The following AFF1 variants were observed in gnomAD, a reference collection of about 807,000 sequenced individuals.
The protein encoded by AFF1 is ALF transcription elongation factor 1, also known as AF4/FMR2 family member 1.
Under a neutral mutation model 121.7 loss-of-function variants are expected in AFF1, and 48 were observed. That is an observed-to-expected ratio of 0.39 (90% CI 0.31 to 0.50). The LOEUF (loss-of-function observed/expected upper bound fraction) is 0.50. AFF1 is among the 20% of genes least tolerant of loss of function. AFF1 has a pLI of 0.76. For missense variants in AFF1, 1,523 were observed against 1,511.7 expected (o/e 1.01, Z -0.12); for synonymous variants, 613 against 563.0 (o/e 1.09, Z -1.26).
intron 2 of AFF1, among the ~76,000 whole-genome samples, chr4:86,980,947 A>AACC (rs1723691095): frequency 1.2e-4 from 12 of 102,394 alleles, no homozygotes; most frequent in East Asian, 3.3e-4. Context: ...GGCTTGAGGC[A>AACC]CCCCCCCCCT....
At chr4:87,124,242 C>A (rs1362531383) in intron 12 of AFF1, among the ~76,000 whole-genome samples, 1 of 151,742 alleles carries the variant, frequency 6.6e-6, no homozygotes, top group East Asian at 1.9e-4. Context: ...TTTTTTTAAC[C>A]CTACTTTCAA....
intron 4 of AFF1, among the ~76,000 whole-genome samples, chr4:87,059,054 C>T (rs1278475219): frequency 6.6e-6 from 1 of 152,184 alleles, no homozygotes; most frequent in Non-Finnish European, 1.5e-5. Context: ...GCTGCTGTTC[C>T]CACTCCTCCT....
intron 2 of AFF1, among the ~76,000 whole-genome samples, chr4:86,985,181 C>CTCTATATATATATATATATA (rs1724122420): frequency 1.0e-5 from 1 of 96,518 alleles, no homozygotes; most frequent in East Asian, 3.0e-4. Context: ...ATATGTATTA[C>CTCTATATATATATATATATA]TATATATATA....
chr4:87,107,530 T>C (rs1384615906), intron 10 of AFF1, among the ~76,000 whole-genome samples: 2 of 152,216 alleles, frequency 1.3e-5, no homozygotes, highest in East Asian at 3.9e-4. Flanking sequence ...TTGGTTACTT[T>C]TGAGTTCACC....
At chr4:87,033,234 T>A (rs1043958900) in intron 2 of AFF1, among the ~76,000 whole-genome samples, 16 of 152,260 alleles carry the variant, frequency 1.1e-4, no homozygotes, top group Non-Finnish European at 2.2e-4. Flanking sequence ...ACTGTTCTTA[T>A]CAATACACAG....
intron 2 of AFF1, among the ~76,000 whole-genome samples, chr4:86,969,828 C>T (rs368109601): frequency 1.6e-4 from 21 of 129,600 alleles, no homozygotes; most frequent in Non-Finnish European, 2.8e-4. Flanking sequence ...TGCAGTGAGC[C>T]GAGATAGCAC....
intron 4 of AFF1, among the ~76,000 whole-genome samples, chr4:87,077,892 A>T (rs915430587): frequency 6.6e-6 from 1 of 152,190 alleles, no homozygotes; most frequent in East Asian, 1.9e-4. Context: ...TTACCTGTAG[A>T]TACACATTTA....
intron 4 of AFF1, among the ~76,000 whole-genome samples, chr4:87,054,903 G>A (rs443459): frequency 0.43 from 65,564 of 151,952 alleles, 18,233 homozygotes; most frequent in African/African-American, 0.8. Flanking sequence ...TCTCCCTACC[G>A]CCCCCCACAC....
At chr4:87,062,597 C>T (rs1720895914) in intron 4 of AFF1, among the ~76,000 whole-genome samples, 2 of 152,116 alleles carry the variant, frequency 1.3e-5, no homozygotes, top group Admixed American at 1.3e-4. Context: ...AATACCAAGT[C>T]CAATAGCATA....
chr4:87,132,389 C>CGCCT lies in AFF1; in HGVS notation c.3292_3293insGCCT (p.Pro1098ArgfsTer69). On this transcript the variant is annotated frameshift_variant, in exon 19 of 21. Coordinates refer to ENST00000395146, the MANE Select transcript of AFF1 (RefSeq NM_001166693.3). LOFTEE classifies it high-confidence loss of function. ...GAGTTCTTCCAAAGTCGCCCAGGCA[C>CGCCT]CTTCTCCATGCATTGCAAGGTAACT... The CGCCT allele has an allele frequency of 6.2e-7, 1 of 1,611,678 alleles. No individual in the cohort carries two copies.
At chr4:87,052,010 C>T (rs976831935) in intron 4 of AFF1, among the ~76,000 whole-genome samples, 2 of 152,024 alleles carry the variant, frequency 1.3e-5, no homozygotes, top group Non-Finnish European at 2.9e-5. Context: ...AGCACAGGAC[C>T]CTCTGAGGAG....
chr4:87,030,395 G>C (rs1728954484), intron 2 of AFF1, among the ~76,000 whole-genome samples: 1 of 152,200 alleles, frequency 6.6e-6, no homozygotes, highest in African/African-American at 2.4e-5. Flanking sequence ...ATGAGCCATA[G>C]TTTGCCAATC....
chr4:87,101,508 C>T lies in AFF1; in HGVS notation c.1284-4120C>T, dbSNP rs578163546. Among the ~76,000 whole-genome samples, 57 of 151,692 alleles carry T rather than the reference C, an allele frequency of 3.8e-4. 1 individual carries two copies. The highest frequency in any genetic ancestry group is 1.2e-3 in the African/African-American group (51 of 41,334). ...AGGAGGGTCACTTGAACCTGGACGG[C>T]GAAGAGTTTGCAGTGAGCCATAATG... On this transcript the variant is annotated intron_variant, in intron 8 of 20. Coordinates refer to ENST00000395146, the MANE Select transcript of AFF1 (RefSeq NM_001166693.3).
chr4:87,105,379 G>A (rs540246503), intron 8 of AFF1, among the ~76,000 whole-genome samples: 1 of 152,292 alleles, frequency 6.6e-6, no homozygotes, highest in East Asian at 1.9e-4. Context: ...AGTCTGTTTT[G>A]AGATGGTAAG....
At chr4:87,022,584 C>CTATA (rs1480042253) in intron 2 of AFF1, among the ~76,000 whole-genome samples, 1 of 112,430 alleles carries the variant, frequency 8.9e-6, no homozygotes, top group African/African-American at 3.1e-5. Flanking sequence ...ATATATATAT[C>CTATA]TATCTATATC....
In AFF1 at chr4:87,138,028, G is replaced by T. The variant is rs60632311; in HGVS notation, c.*2327G>T. 1.0e-3 allele frequency: 215 copies of T among 212,086 alleles called. 2 individuals are homozygous for T. In the East Asian group the frequency reaches 0.011, roughly 11 times the overall value. The allele number at this position is 212,086 out of a possible 1,614,324, so 13.1% of individuals were successfully genotyped here. On this transcript the variant is annotated 3_prime_UTR_variant, in exon 21 of 21. Transcript: ENST00000395146. ...TTTTCAGTGGCCTTACTCTTTGTGG[G>T]TTTTTTTTTTTTTCTCTGAACTTGA... is the stretch of plus-strand genomic sequence containing the variant.
chr4:87,089,764 C>T (rs1260810486), intron 5 of AFF1, among the ~76,000 whole-genome samples: 1 of 152,166 alleles, frequency 6.6e-6, no homozygotes, highest in Non-Finnish European at 1.5e-5. Context: ...TGATTGTCTT[C>T]TACAAACTGG....
chr4:87,038,589 C>G (rs1383096411), intron 2 of AFF1, among the ~76,000 whole-genome samples: 1 of 152,170 alleles, frequency 6.6e-6, no homozygotes, highest in Non-Finnish European at 1.5e-5. Flanking sequence ...TGGAAGAACC[C>G]TAGCATCCTG....
intron 2 of AFF1, among the ~76,000 whole-genome samples, chr4:86,966,056 T>C (rs1310019502): frequency 6.6e-6 from 1 of 151,484 alleles, no homozygotes; most frequent in Non-Finnish European, 1.5e-5. Context: ...TTAGTTTCTT[T>C]TTTCTTTCCT....
Sources: gnomAD v4.1 joint callset for allele counts (sites outside exome capture counted in the v4.1 genomes callset) on GRCh38, gnomAD v4.1.1 for gene constraint, MANE v1.5 for transcripts, NCBI Gene and HGNC (gene_info 2026-07-23, HGNC 2026-07-21) for gene names.